The following EIPR1 variants were observed in gnomAD, a reference collection of about 807,000 sequenced individuals.
The protein encoded by EIPR1 is EARP complex and GARP complex interacting protein 1, also known as EARP and GARP complex-interacting protein 1.
In EIPR1, 25 loss-of-function variants were observed where a neutral mutation model predicts 48.1. That is an observed-to-expected ratio of 0.52 (90% CI 0.38 to 0.73). The LOEUF (loss-of-function observed/expected upper bound fraction) is 0.73. Among genes scored for constraint, EIPR1 ranks in the 30% least tolerant of loss-of-function variants. The pLI is 0.00. For missense variants in EIPR1, 415 were observed against 506.2 expected (o/e 0.82, Z 1.73); for synonymous variants, 204 against 201.9 (o/e 1.01, Z -0.09).
intron 4 of EIPR1, among the ~76,000 whole-genome samples, chr2:3,248,400 C>T (rs1666905546): frequency 6.6e-6 from 1 of 152,198 alleles, no homozygotes; most frequent in Non-Finnish European, 1.5e-5. Flanking sequence ...TCGAGACCAG[C>T]CTGGCCAACA....
At chr2:3,367,046 A>G (rs771861221) in intron 1 of EIPR1, among the ~76,000 whole-genome samples, 2 of 152,060 alleles carry the variant, frequency 1.3e-5, no homozygotes, top group African/African-American at 4.8e-5. Context: ...CTCTGTCCCA[A>G]AAAATAAGTA....
intron 4 of EIPR1, chr2:3,214,540 C>A (rs184130428): frequency 4.2e-6 from 1 of 240,252 alleles, no homozygotes; most frequent in Non-Finnish European, 8.1e-6. Context: ...TCCTCACATC[C>A]GTCGTAAGTT....
At chr2:3,212,665 C>T (rs533245455) in intron 5 of EIPR1, among the ~76,000 whole-genome samples, 6 of 152,262 alleles carry the variant, frequency 3.9e-5, no homozygotes, top group African/African-American at 1.2e-4. Flanking sequence ...CCAAATCTCC[C>T]GGAAGGTGGG....
At chr2:3,348,861 C>G (rs1670481900) in intron 2 of EIPR1, among the ~76,000 whole-genome samples, 1 of 152,202 alleles carries the variant, frequency 6.6e-6, no homozygotes, top group Non-Finnish European at 1.5e-5. Flanking sequence ...AGGAGGAGAC[C>G]AGACTCCGTT....
At chr2:3,330,162 C>T (rs1669842807) in intron 3 of EIPR1, among the ~76,000 whole-genome samples, 1 of 152,224 alleles carries the variant, frequency 6.6e-6, no homozygotes, top group African/African-American at 2.4e-5. Context: ...TCTATAGAAA[C>T]CCACAAAGTG....
At chr2:3,358,098 G>A (rs1037082865) in intron 1 of EIPR1, among the ~76,000 whole-genome samples, 3 of 151,836 alleles carry the variant, frequency 2.0e-5, no homozygotes, top group South Asian at 2.1e-4. Flanking sequence ...CTTCCCATAC[G>A]GAGCTCCGAA....
At chr2:3,276,097 C>G (rs1420832400) in intron 3 of EIPR1, among the ~76,000 whole-genome samples, 1 of 152,070 alleles carries the variant, frequency 6.6e-6, no homozygotes, top group Non-Finnish European at 1.5e-5. Context: ...GTGAAGAAAC[C>G]ATTCAATTTC....
intron 3 of EIPR1, among the ~76,000 whole-genome samples, chr2:3,272,581 C>A (rs542920172): frequency 6.6e-6 from 1 of 152,304 alleles, no homozygotes; most frequent in African/African-American, 2.4e-5. Flanking sequence ...TCAAAACACA[C>A]ATTTACAGAT....
chr2:3,289,804 C>T (rs1558276595), intron 3 of EIPR1, among the ~76,000 whole-genome samples: 1 of 152,206 alleles, frequency 6.6e-6, no homozygotes, highest in Non-Finnish European at 1.5e-5. Context: ...CTTATCCTTC[C>T]CGGGGCTTCC....
intron 3 of EIPR1, among the ~76,000 whole-genome samples, chr2:3,288,232 G>A (rs962053775): frequency 1.8e-4 from 27 of 152,346 alleles, no homozygotes; most frequent in Non-Finnish European, 3.4e-4. Context: ...CTATTTCCAA[G>A]CCCTGCCTCT....
intron 3 of EIPR1, among the ~76,000 whole-genome samples, chr2:3,317,268 C>T (rs757961334): frequency 4.0e-5 from 5 of 125,372 alleles, no homozygotes; most frequent in African/African-American, 1.2e-4. Context: ...CCTTGCATGC[C>T]GGGTAGAGAA....
chr2:3,324,181 C>T (rs933372412), intron 3 of EIPR1, among the ~76,000 whole-genome samples: 8 of 152,200 alleles, frequency 5.3e-5, no homozygotes, highest in African/African-American at 1.9e-4. Context: ...GCACCTCCTC[C>T]CCAGGCACTG....
chr2:3,241,073 A>G (rs958484102), intron 4 of EIPR1, among the ~76,000 whole-genome samples: 1 of 152,140 alleles, frequency 6.6e-6, no homozygotes, highest in Non-Finnish European at 1.5e-5. Flanking sequence ...TCCTAAAGAA[A>G]AGCCAGCAGA....
intron 3 of EIPR1, among the ~76,000 whole-genome samples, chr2:3,298,897 C>T (rs1168547242): frequency 6.6e-6 from 1 of 152,122 alleles, no homozygotes; most frequent in Non-Finnish European, 1.5e-5. Flanking sequence ...CAAGCCCAGC[C>T]TTCCAGGGGA....
At chr2:3,202,710 C>CT (rs938257099) in intron 5 of EIPR1, among the ~76,000 whole-genome samples, 4 of 152,242 alleles carry the variant, frequency 2.6e-5, no homozygotes, top group Non-Finnish European at 5.9e-5. Flanking sequence ...ATCCCAAGCT[C>CT]TTGCACTTCA....
At chr2:3,209,663 C>T (rs1665372684) in intron 5 of EIPR1, among the ~76,000 whole-genome samples, 1 of 152,154 alleles carries the variant, frequency 6.6e-6, no homozygotes, top group Admixed American at 6.5e-5. Context: ...GGAGAACCTT[C>T]CAGACAATGG....
At chr2:3,377,619 C>A (rs1355281953) in intron 1 of EIPR1, 29 bp downstream of exon 1, 1 of 1,561,586 alleles carries the variant, frequency 6.4e-7, no homozygotes, top group Non-Finnish European at 8.7e-7. Flanking sequence ...CCAGGCCGAG[C>A]AGCACCTGCC....
At chr2:3,337,131 G>C (rs1670089978) in intron 3 of EIPR1, among the ~76,000 whole-genome samples, 1 of 151,128 alleles carries the variant, frequency 6.6e-6, no homozygotes, top group Non-Finnish European at 1.5e-5. Context: ...GAAAAGGGAA[G>C]GGAACAGGGA....
At chr2:3,347,025 G>T (rs1670421571) in intron 2 of EIPR1, among the ~76,000 whole-genome samples, 3 of 152,094 alleles carry the variant, frequency 2.0e-5, no homozygotes, top group Admixed American at 2.0e-4. Context: ...CTGATATCTG[G>T]CCATTGAAGC....
Sources: gnomAD v4.1 joint callset for allele counts (sites outside exome capture counted in the v4.1 genomes callset) on GRCh38, gnomAD v4.1.1 for gene constraint, MANE v1.5 for transcripts, NCBI Gene and HGNC (gene_info 2026-07-23, HGNC 2026-07-21) for gene names.